PTPRG: variants seen among roughly 807,000 people sequenced by gnomAD.
The protein encoded by PTPRG is protein tyrosine phosphatase receptor type G.
PTPRG carries 102 observed loss-of-function variants against 165.3 expected under a neutral mutation model. The observed-to-expected ratio is 0.62, with a 90% CI of 0.53 to 0.73. The LOEUF is 0.73. Among genes scored for constraint, PTPRG ranks in the 30% least tolerant of loss-of-function variants. PTPRG has a pLI of 0.00. For missense variants in PTPRG, 1,866 were observed against 1,861.4 expected, an observed-to-expected ratio of 1.00 and a Z score of -0.05; for synonymous variants, 675 against 669.5, an observed-to-expected ratio of 1.01 and a Z score of -0.13.
chr3:62,116,837 A>C (rs1471344133), intron 5 of PTPRG, among the ~76,000 whole-genome samples: 1 of 152,234 alleles, frequency 6.6e-6, no homozygotes, highest in Non-Finnish European at 1.5e-5. Context: ...GACCATTTTA[A>C]ACTAAGGACT....
At chr3:61,771,404 G>A (rs981084666) in intron 2 of PTPRG, 2 of 150,714 alleles carry the variant, frequency 1.3e-5, no homozygotes, top group South Asian at 4.2e-4. Context: ...AACTTTCTAT[G>A]TAAGTCAAAA....
At chr3:61,590,083 C>T (rs1450756139) in intron 1 of PTPRG, among the ~76,000 whole-genome samples, 1 of 152,006 alleles carries the variant, frequency 6.6e-6, no homozygotes, top group Admixed American at 6.6e-5. Context: ...ATGCCTAGAG[C>T]TTGTGTCCGT....
chr3:62,042,446 C>G (rs1443591834), intron 4 of PTPRG, among the ~76,000 whole-genome samples: 2 of 152,196 alleles, frequency 1.3e-5, no homozygotes, highest in Non-Finnish European at 2.9e-5. Context: ...GATCTTCTGA[C>G]AGACTTATTT....
chr3:62,074,433 A>G (rs1245369405), intron 4 of PTPRG, among the ~76,000 whole-genome samples: 8 of 143,032 alleles, frequency 5.6e-5, no homozygotes, highest in African/African-American at 1.1e-4. Context: ...AGTAGCCTCA[A>G]TAGCCTCAAC....
intron 2 of PTPRG, among the ~76,000 whole-genome samples, chr3:61,880,486 G>T (rs1005658886): frequency 2.6e-5 from 4 of 151,990 alleles, no homozygotes; most frequent in Non-Finnish European, 5.9e-5. Flanking sequence ...TGGGTGTGTT[G>T]GTGTAGGCCT....
chr3:61,982,746 T>C (rs1194663212), intron 2 of PTPRG, among the ~76,000 whole-genome samples: 1 of 152,162 alleles, frequency 6.6e-6, no homozygotes, highest in Non-Finnish European at 1.5e-5. Flanking sequence ...GATTAGAGTC[T>C]GGGACCTCCA....
chr3:61,962,384 A>G lies in PTPRG; in HGVS notation c.191-27241A>G, dbSNP rs114933955. ...TGTGAAATCTTTCCTTTGCTCCTGT[A>G]GTTGCATGGCTTGAGGGAACATGTT... On this transcript the variant is annotated intron_variant, in intron 2 of 29. Coordinates refer to ENST00000474889, the MANE Select transcript of PTPRG (RefSeq NM_002841.4). Among the ~76,000 whole-genome samples, 1,180 of 152,306 alleles carry G rather than the reference A, an allele frequency of 7.7e-3. 10 individuals carry two copies. Among genetic ancestry groups the G allele is most frequent in the Middle Eastern group, 0.017 (5 of 294 alleles).
intron 2 of PTPRG, among the ~76,000 whole-genome samples, chr3:61,891,523 C>A (rs527688950): frequency 1.2e-4 from 19 of 152,268 alleles, no homozygotes; most frequent in African/African-American, 3.9e-4. Flanking sequence ...TCATTCATAG[C>A]CATTTTTTGG....
rs796898565 is a variant in PTPRG, at chr3:61,995,756, T to TCTCC, written c.370+5961_370+5964dup. ...CCTTCCTTCCTTCCTTCCCTCCCTCTCTCCCTCCCTCCTTCTTTTTCTTTT... is the reference window on the plus strand; with the variant it reads ...CCTTCCTTCCTTCCTTCCCTCCCTCTCTCCCTCCCTCCCTCCTTCTTTTTCTTTT... On this transcript the variant is annotated intron_variant, in intron 3 of 29. Transcript: ENST00000474889. Among the ~76,000 whole-genome samples the TCTCC allele has an allele frequency of 4.8e-3, 534 of 110,634 alleles. 7 individuals are homozygous for TCTCC. The highest frequency in any genetic ancestry group is 0.018 in the African/African-American group (508 of 27,562). 72.6% of individuals were successfully genotyped at this position (110,634 alleles called of 152,430 possible).
chr3:62,202,668 T>A (rs1700121239), intron 11 of PTPRG, among the ~76,000 whole-genome samples: 1 of 152,188 alleles, frequency 6.6e-6, no homozygotes, highest in Non-Finnish European at 1.5e-5. Context: ...CTGCTTTCCC[T>A]CCTTGTCCAC....
rs1201328370 is a variant in PTPRG at position 61,891,906 on chromosome 3, C to CTT, written c.191-97709_191-97708dup. Among the ~76,000 whole-genome samples, 11 of 138,110 alleles carry CTT rather than the reference C, an allele frequency of 8.0e-5. No individual in the cohort carries two copies. The East Asian group carries it at 2.3e-3, about 29-fold the overall frequency. The allele number at this position is 138,110 out of a possible 152,430, so 90.6% of individuals were successfully genotyped here. A position where few individuals can be genotyped will look rare whatever the true frequency, so the allele number is the denominator to read the frequency against. ...GTGTGATTTCACTAAGTTTTCTTTTCTTTTTTTTTTTCAGTAAATTAATAC... is the reference window on the plus strand; with the variant it reads ...GTGTGATTTCACTAAGTTTTCTTTTCTTTTTTTTTTTTTCAGTAAATTAATAC... On this transcript the variant is annotated intron_variant, in intron 2 of 29. Transcript: ENST00000474889.
chr3:62,045,126 A>G (rs1352076359), intron 4 of PTPRG, among the ~76,000 whole-genome samples: 1 of 152,154 alleles, frequency 6.6e-6, no homozygotes, highest in Non-Finnish European at 1.5e-5. Flanking sequence ...TAGCTTTGCA[A>G]TTGAAAGGTA....
At chr3:61,575,107 C>T (rs1047214961) in intron 1 of PTPRG, among the ~76,000 whole-genome samples, 1 of 152,212 alleles carries the variant, frequency 6.6e-6, no homozygotes, top group African/African-American at 2.4e-5. Flanking sequence ...AGAGTTCTTT[C>T]TGAACATATT....
chr3:61,718,742 G>A (rs1156679679), intron 1 of PTPRG, among the ~76,000 whole-genome samples: 1 of 152,126 alleles, frequency 6.6e-6, no homozygotes, highest in Non-Finnish European at 1.5e-5. Context: ...TGATGATTTC[G>A]CTGGATAGAA....
chr3:61,751,638 A>T (rs1412205066), intron 2 of PTPRG, among the ~76,000 whole-genome samples: 2 of 152,208 alleles, frequency 1.3e-5, no homozygotes, highest in African/African-American at 4.8e-5. Flanking sequence ...AATGATTAAT[A>T]TTAATAGCAC....
chr3:61,990,686 T>A (rs369579471), intron 3 of PTPRG, among the ~76,000 whole-genome samples: 7 of 152,342 alleles, frequency 4.6e-5, no homozygotes, highest in Middle Eastern at 3.4e-3. Flanking sequence ...TTTTCACTCT[T>A]ATTACTTAAC....
At chr3:61,971,489 A>G (rs1251359477) in intron 2 of PTPRG, among the ~76,000 whole-genome samples, 1 of 152,202 alleles carries the variant, frequency 6.6e-6, no homozygotes, top group African/African-American at 2.4e-5. Context: ...ATCAAATTCT[A>G]CTTATTTCCA....
chr3:62,218,881 G>T lies in PTPRG; in HGVS notation c.2186G>T (p.Arg729Leu), dbSNP rs544447280. The change falls in exon 13 of 30, where the codon CGC becomes CTC. Residue 729 changes from arginine to leucine, a missense_variant. This residue lies in a region of PTPRG where 1,452 missense variants were observed against 1,463.0 expected (regional missense o/e 0.99). Coordinates refer to ENST00000474889, the MANE Select transcript of PTPRG (RefSeq NM_002841.4). The stretch of plus-strand genomic sequence containing the variant: ...AAAAACACCTCTGGAATGATAAGCC[G>T]CCCTGCTCCAGGGAGGATGGAGTGG... ...AEKNTSGMIS[R>L]PAPGRMEWII... The T allele has an allele frequency of 6.2e-7, 1 of 1,613,736 alleles. No homozygotes were observed.
At chr3:62,189,023 G>A (rs1699737174) in intron 8 of PTPRG, among the ~76,000 whole-genome samples, 1 of 151,958 alleles carries the variant, frequency 6.6e-6, no homozygotes, top group African/African-American at 2.4e-5. Flanking sequence ...GTAGGTTGGC[G>A]CCACCTAGTG....
Sources: allele counts gnomAD v4.1 joint callset (sites outside exome capture counted in the v4.1 genomes callset), GRCh38; gene constraint gnomAD v4.1.1; regional missense constraint gnomAD v4.1.1; transcripts MANE v1.5; gene names NCBI Gene and HGNC (gene_info 2026-07-23, HGNC 2026-07-21).